The following TNNI3 variants were observed in gnomAD, a reference collection of about 807,000 sequenced individuals.
TNNI3 encodes the protein troponin I3, cardiac type, also known as troponin I, cardiac muscle.
Under a neutral mutation model 31.5 loss-of-function variants are expected in TNNI3, and 23 were observed. The ratio of observed to expected loss-of-function variants is 0.73; its 90% CI spans 0.52 to 1.03. The LOEUF (loss-of-function observed/expected upper bound fraction) is 1.03, where lower values mean the gene tolerates loss of function less well. Ranked by LOEUF, TNNI3 falls within the 50% of genes least tolerant of loss-of-function variation. TNNI3 has a pLI of 0.00. For synonymous variants in TNNI3, 120 were observed against 111.7 expected (o/e 1.07, Z -0.47); for missense variants, 236 against 282.9 (o/e 0.83, Z 1.19).
At position 55,157,705 on chromosome 19, in the gene TNNI3, G is replaced by A. The variant is rs555483433; in HGVS notation, c.-116C>T. ...GTCCCAGGGACCGTCAGTCTCCTCCGGGCTGCTTGAGACTCCCCGAGGACA... is the reference window on the plus strand; with the variant it reads ...GTCCCAGGGACCGTCAGTCTCCTCCAGGCTGCTTGAGACTCCCCGAGGACA... On this transcript the variant is annotated 5_prime_UTR_variant, in exon 1 of 8. Coordinates refer to ENST00000344887, the MANE Select transcript of TNNI3 (RefSeq NM_000363.5). The surrounding 1 kb of genome is among the most constrained non-coding windows in gnomAD (Gnocchi z 6.3). The A allele has an allele frequency of 1.3e-4, 159 of 1,269,840 alleles. No homozygotes were observed. The highest frequency in any genetic ancestry group is 4.7e-4 in the South Asian group (38 of 80,436). 78.7% of individuals were successfully genotyped at this position (1,269,840 alleles called of 1,614,324 possible). A position where few individuals can be genotyped will look rare whatever the true frequency, so the allele number is the denominator to read the frequency against.
chr19:55,152,063 TAATCCCTGCCAA>T lies in TNNI3; in HGVS notation c.550-158_550-147del, dbSNP rs1773583355. On this transcript the variant is annotated intron_variant, in intron 7 of 7. Coordinates refer to ENST00000344887, the MANE Select transcript of TNNI3 (RefSeq NM_000363.5). This position sits in a 1 kb window ranked among gnomAD's most constrained non-coding sequence, Gnocchi z 4.0. ...TGGAGCACTTCCTGTCTTTTCAAGA[TAATCCCTGCCAA>T]TTTTCCCCATGCACTTCCTGTCTCC... 2 of 746,712 alleles carry T rather than the reference TAATCCCTGCCAA, an allele frequency of 2.7e-6. No individual in the cohort carries two copies. Among genetic ancestry groups the T allele is most frequent in the African/African-American group, 1.7e-5 (1 of 57,568 alleles). The allele number at this position is 746,712 out of a possible 1,614,324, so 46.3% of individuals were successfully genotyped here. A position where few individuals can be genotyped will look rare whatever the true frequency, so the allele number is the denominator to read the frequency against.
At position 55,156,814 on chromosome 19, in the gene TNNI3, C is replaced by T. The variant is rs189301935; in HGVS notation, c.109-170G>A. 1.4e-3 allele frequency: 1,267 copies of T among 875,496 alleles called. 6 individuals carry two copies. In the African/African-American group the frequency reaches 0.018, roughly 12 times the overall value. 54.2% of individuals were successfully genotyped at this position (875,496 alleles called of 1,614,324 possible). On this transcript the variant is annotated intron_variant, in intron 3 of 7. Coordinates refer to ENST00000344887, the MANE Select transcript of TNNI3 (RefSeq NM_000363.5). This position sits in a 1 kb window ranked among gnomAD's most constrained non-coding sequence, Gnocchi z 4.6. ...ACGCCCCTCATTCCCATCCACCAAT[C>T]TGGGTCTCTTCCTTTGGATAGGCAC...
rs1406186901 is a variant in TNNI3 at position 55,156,345 on chromosome 19, G to A, written c.151-13C>T. The A allele has an allele frequency of 6.2e-7, 1 of 1,605,680 alleles. No individual in the cohort carries two copies. Among genetic ancestry groups the A allele is most frequent in the Middle Eastern group, 1.8e-4 (1 of 5,510 alleles). On this transcript the variant is annotated splice_polypyrimidine_tract_variant and intron_variant, in intron 4 of 7. Transcript: ENST00000344887. This position sits in a 1 kb window ranked among gnomAD's most constrained non-coding sequence, Gnocchi z 4.6. ...GCAGCAGCAGAGTCTGCAGAGGGGT[G>A]GGAGGGAAGCGCAGCCCACCCGGGG...
rs754703054 is a variant in TNNI3 at position 55,154,102 on chromosome 19, C to G, written c.477G>C (p.Leu159=). Residue 159 remains leucine (L), a synonymous_variant, in exon 7 of 8, where the codon CTG becomes CTC. Transcript: ENST00000344887. ...CCAGGGACTCCTTAGCCCGGGCCCC[C>G]AGCAGCGCCTGCATCATGGCATCTG... ...ISADAMMQAL[L]GARAKESLDL... The G allele has an allele frequency of 1.2e-5, 19 of 1,613,268 alleles. No individual in the cohort carries two copies. Among genetic ancestry groups the G allele is most frequent in the Non-Finnish European group, 1.6e-5 (19 of 1,180,016 alleles).
In TNNI3 at chr19:55,156,717, A is replaced by G; in HGVS notation, c.109-73T>C. The G allele has an allele frequency of 6.6e-7, 1 of 1,510,088 alleles. No homozygotes were observed. The highest frequency in any genetic ancestry group is 1.4e-5 in the African/African-American group (1 of 71,746). 93.5% of individuals were successfully genotyped at this position (1,510,088 alleles called of 1,614,324 possible). Reference sequence around the variant, plus strand: ...AGACGACGGTGGAGGGGACCTCAAGACACCCCCAGCAAACCCAGCCGGTCC... The same window carrying G: ...AGACGACGGTGGAGGGGACCTCAAGGCACCCCCAGCAAACCCAGCCGGTCC... On this transcript the variant is annotated intron_variant, in intron 3 of 7. Transcript: ENST00000344887. This position sits in a 1 kb window ranked among gnomAD's most constrained non-coding sequence, Gnocchi z 4.6.
chr19:55,154,375 T>TC (rs1319970368), intron 6 of TNNI3, 169 bp from the exon 7 acceptor site: 5 of 724,518 alleles, frequency 6.9e-6, no homozygotes, highest in Non-Finnish European at 1.2e-5. Flanking sequence ...TGGAACTGAA[T>TC]CCCCCTCCTC....
chr19:55,157,138 GT>G lies in TNNI3; in HGVS notation c.25-6del, dbSNP rs1411743416. On this transcript the variant is annotated splice_polypyrimidine_tract_variant and splice_region_variant and intron_variant, in intron 2 of 7. Coordinates refer to ENST00000344887, the MANE Select transcript of TNNI3 (RefSeq NM_000363.5). The surrounding 1 kb of genome is among the most constrained non-coding windows in gnomAD (Gnocchi z 6.3). ...TGCAGGGCGAGGTTCCCTAGCCTGGGTTAGGAGGAGTGGGGACCCCATCACC... is the reference window on the plus strand; with the variant it reads ...TGCAGGGCGAGGTTCCCTAGCCTGGGTAGGAGGAGTGGGGACCCCATCACC... 6.3e-7 allele frequency: 1 copy of G among 1,598,408 alleles called. No homozygotes were observed. Among genetic ancestry groups the G allele is most frequent in the Non-Finnish European group, 8.5e-7 (1 of 1,174,282 alleles).
intron 6 of TNNI3, 65 bp downstream of exon 6, chr19:55,154,676 G>C (rs1224118482): frequency 7.0e-7 from 1 of 1,434,540 alleles, no homozygotes; most frequent in East Asian, 2.3e-5. Flanking sequence ...AAGGGGTCAG[G>C]CAGAGACCAA....
At position 55,157,533 on chromosome 19, in the gene TNNI3, C is replaced by T. The variant is rs966021376; in HGVS notation, c.11+46G>A. On this transcript the variant is annotated intron_variant, in intron 1 of 7. Transcript: ENST00000344887. This position sits in a 1 kb window ranked among gnomAD's most constrained non-coding sequence, Gnocchi z 6.3. The stretch of plus-strand genomic sequence containing the variant: ...TCTCAGCTGCGACCCCTCTTGGGAA[C>T]CCGGGAGGTCGCCCCCAACTCCCAC... The T allele has an allele frequency of 5.0e-6, 8 of 1,611,932 alleles. No homozygotes were observed. The highest frequency in any genetic ancestry group is 6.8e-6 in the Non-Finnish European group (8 of 1,178,510).
Position 55,157,206 on chromosome 19 carries a change from T to C in TNNI3, c.25-73A>G. 6.3e-7 allele frequency: 1 copy of C among 1,595,230 alleles called. No homozygotes were observed. The highest frequency in any genetic ancestry group is 8.5e-7 in the Non-Finnish European group (1 of 1,171,744). ...GCCCTTACCGTACCGCACCCTCTGCTAGGGCTGCAGCCTCCCGCCCCAGAC... is the reference window on the plus strand; with the variant it reads ...GCCCTTACCGTACCGCACCCTCTGCCAGGGCTGCAGCCTCCCGCCCCAGAC... On this transcript the variant is annotated intron_variant, in intron 2 of 7. Coordinates refer to ENST00000344887, the MANE Select transcript of TNNI3 (RefSeq NM_000363.5). This position sits in a 1 kb window ranked among gnomAD's most constrained non-coding sequence, Gnocchi z 6.3.
chr19:55,156,422 C>A lies in TNNI3; in HGVS notation c.151-90G>T. 1 of 1,529,210 alleles carries A rather than the reference C, an allele frequency of 6.5e-7. No homozygotes were observed. The highest frequency in any genetic ancestry group is 8.8e-7 in the Non-Finnish European group (1 of 1,133,632). The allele number at this position is 1,529,210 out of a possible 1,614,324, so 94.7% of individuals were successfully genotyped here. A position where few individuals can be genotyped will look rare whatever the true frequency, so the allele number is the denominator to read the frequency against. On this transcript the variant is annotated intron_variant, in intron 4 of 7. Transcript: ENST00000344887. The surrounding 1 kb of genome is among the most constrained non-coding windows in gnomAD (Gnocchi z 4.6). Reference sequence around the variant, plus strand: ...AACCGCCTCTGCCCTTCTAAACCCTCCAGTTTGGTCTCCACTGTTCCAAGG... The same window carrying A: ...AACCGCCTCTGCCCTTCTAAACCCTACAGTTTGGTCTCCACTGTTCCAAGG...
chr19:55,153,121 A>G (rs1428810836), intron 7 of TNNI3, among the ~76,000 whole-genome samples: 2 of 151,852 alleles, frequency 1.3e-5, no homozygotes, highest in Non-Finnish European at 2.9e-5. Flanking sequence ...TTATAGAGAC[A>G]TGGTCTCGCC....
chr19:55,156,219 C>A lies in TNNI3; in HGVS notation c.264G>T (p.Leu88=), dbSNP rs772928416. 1.2e-6 allele frequency: 2 copies of A among 1,612,736 alleles called. No homozygotes were observed. Among genetic ancestry groups the A allele is most frequent in the Non-Finnish European group, 1.7e-6 (2 of 1,179,850 alleles). The change falls in exon 5 of 8, where the codon CTG becomes CTT. Residue 88 remains leucine, a synonymous_variant. Transcript: ENST00000344887. This position sits in a 1 kb window ranked among gnomAD's most constrained non-coding sequence, Gnocchi z 4.6. ...CCGGTACCTGCAGCTCCGCGAAGCC[C>A]AGCCCGGCCAACTCCAGCGGCTGGC... ...TRCQPLELAG[L]GFAELQDLCR...
chr19:55,156,993 C>A lies in TNNI3; in HGVS notation c.108+57G>T. 6.5e-7 allele frequency: 1 copy of A among 1,533,700 alleles called. No individual in the cohort carries two copies. The highest frequency in any genetic ancestry group is 1.2e-5 in the South Asian group (1 of 84,164). On this transcript the variant is annotated intron_variant, in intron 3 of 7. Transcript: ENST00000344887. The surrounding 1 kb of genome is among the most constrained non-coding windows in gnomAD (Gnocchi z 4.6). ...GCAGCCCTGGCTCCTCCCCCCACTCCCAGGGTCTTGGATCCCTCCGGCGCC... is the reference window on the plus strand; with the variant it reads ...GCAGCCCTGGCTCCTCCCCCCACTCACAGGGTCTTGGATCCCTCCGGCGCC...
At position 55,156,165 on chromosome 19, in the gene TNNI3, C is replaced by G. The variant is rs753775983; in HGVS notation, c.282+36G>C. 1.9e-6 allele frequency: 3 copies of G among 1,612,576 alleles called. No homozygotes were observed. The East Asian group carries it at 6.7e-5, about 36-fold the overall frequency. ...GGATAGAGGCTGTACTGCTGAATTC[C>G]GGGACTAGAAACCTCGCATCCTTGG... On this transcript the variant is annotated intron_variant, in intron 5 of 7. Transcript: ENST00000344887. The surrounding 1 kb of genome is among the most constrained non-coding windows in gnomAD (Gnocchi z 4.6).
In TNNI3 at chr19:55,156,691, G is replaced by T; in HGVS notation, c.109-47C>A. 1.3e-6 allele frequency: 2 copies of T among 1,551,146 alleles called. No individual in the cohort carries two copies. Among genetic ancestry groups the T allele is most frequent in the Non-Finnish European group, 1.7e-6 (2 of 1,145,098 alleles). On this transcript the variant is annotated intron_variant, in intron 3 of 7. Coordinates refer to ENST00000344887, the MANE Select transcript of TNNI3 (RefSeq NM_000363.5). This position sits in a 1 kb window ranked among gnomAD's most constrained non-coding sequence, Gnocchi z 4.6. ...AGGAAGGATCATGGAGGGGGATTCGGAGACGACGGTGGAGGGGACCTCAAG... is the reference window on the plus strand; with the variant it reads ...AGGAAGGATCATGGAGGGGGATTCGTAGACGACGGTGGAGGGGACCTCAAG...
At chr19:55,154,288 C>G in intron 6 of TNNI3, 82 bp from the exon 7 acceptor site, 6 of 1,433,866 alleles carry the variant, frequency 4.2e-6, no homozygotes, top group Non-Finnish European at 5.8e-6. Flanking sequence ...CTTTTTTATT[C>G]TCCTTATCTC....
Position 55,156,140 on chromosome 19 carries a change from G to T in TNNI3, c.282+61C>A. 3.1e-6 allele frequency: 5 copies of T among 1,612,014 alleles called. No individual in the cohort carries two copies. Among genetic ancestry groups the T allele is most frequent in the Non-Finnish European group, 4.2e-6 (5 of 1,179,302 alleles). On this transcript the variant is annotated intron_variant, in intron 5 of 7. Transcript: ENST00000344887. This position sits in a 1 kb window ranked among gnomAD's most constrained non-coding sequence, Gnocchi z 4.6. ...ACGCCTGGGTCCCGAGCAGAAGAGG[G>T]GATAGAGGCTGTACTGCTGAATTCC...
At chr19:55,153,937 A>G in intron 7 of TNNI3, 93 bp downstream of exon 7, 2 of 1,470,100 alleles carry the variant, frequency 1.4e-6, no homozygotes, top group South Asian at 1.1e-5. Flanking sequence ...TCTACCTCCA[A>G]CTCCAAGCAC....
Sources: gnomAD v4.1 joint callset for allele counts (sites outside exome capture counted in the v4.1 genomes callset) on GRCh38, gnomAD v4.1.1 for gene constraint, Gnocchi (gnomAD v3.1) non-coding constraint, MANE v1.5 for transcripts, NCBI Gene and HGNC (gene_info 2026-07-23, HGNC 2026-07-21) for gene names.